Variants in NRG1 observed in about 807,000 individuals in gnomAD.
NRG1 encodes the protein pro-neuregulin-1, membrane-bound isoform.
Under a neutral mutation model 63.8 loss-of-function variants are expected in NRG1, and 18 were observed. The ratio of observed to expected loss-of-function variants is 0.28; its 90% CI spans 0.19 to 0.42. The LOEUF (loss-of-function observed/expected upper bound fraction) is 0.42, where lower values mean the gene tolerates loss of function less well. NRG1 is among the 10% of genes least tolerant of loss of function. The pLI, the probability that NRG1 is intolerant of heterozygous loss-of-function variation, is 1.00. For missense variants in NRG1, 762 were observed against 814.7 expected, an observed-to-expected ratio of 0.94 and a Z score of 0.79; for synonymous variants, 302 against 301.3, an observed-to-expected ratio of 1.00 and a Z score of -0.02.
At chr8:32,262,615 T>A (rs1850505267) in intron 1 of NRG1, among the ~76,000 whole-genome samples, 1 of 152,200 alleles carries the variant, frequency 6.6e-6, no homozygotes, top group Non-Finnish European at 1.5e-5. Context: ...TATATGCCCT[T>A]GATTGTAAAA....
chr8:32,138,915 C>T (rs1001047677), intron 1 of NRG1, among the ~76,000 whole-genome samples: 6 of 152,060 alleles, frequency 3.9e-5, no homozygotes, highest in Non-Finnish European at 8.8e-5. Flanking sequence ...CTAATTTTGG[C>T]TTTTTGATTT....
rs192463244 is a variant in NRG1, at chr8:31,973,340, G to T, written c.37+333909G>T. On this transcript the variant is annotated intron_variant, in intron 1 of 10. Transcript: ENST00000519301. The stretch of plus-strand genomic sequence containing the variant: ...TTGTAGATATCACTCTAGATGAAAA[G>T]GTTCTAACTATTTTTAGATCTAATT... Among the ~76,000 whole-genome samples the T allele has an allele frequency of 5.5e-3, 840 of 152,182 alleles. 3 individuals carry two copies. The highest frequency in any genetic ancestry group is 8.4e-3 in the Non-Finnish European group (568 of 68,012).
chr8:32,287,318 T>A (rs1327210614), intron 1 of NRG1: 1 of 152,210 alleles, frequency 6.6e-6, no homozygotes, highest in Non-Finnish European at 1.5e-5. Flanking sequence ...GGGAAATGGA[T>A]TCCACACCTT....
chr8:32,197,023 G>A (rs1405780485), intron 1 of NRG1, among the ~76,000 whole-genome samples: 5 of 135,670 alleles, frequency 3.7e-5, no homozygotes, highest in Admixed American at 1.6e-4. Flanking sequence ...GCAGTGGCGC[G>A]ATCTTGGCTC....
intron 1 of NRG1, among the ~76,000 whole-genome samples, chr8:32,499,402 G>A (rs1376428569): frequency 1.3e-5 from 2 of 152,192 alleles, no homozygotes; most frequent in Admixed American, 1.3e-4. Flanking sequence ...TGGATTCAAG[G>A]CTGGGTGCGG....
At chr8:32,295,425 A>T (rs540857160) in intron 1 of NRG1, among the ~76,000 whole-genome samples, 2 of 152,152 alleles carry the variant, frequency 1.3e-5, no homozygotes, top group Admixed American at 6.5e-5. Context: ...CTTTACAATA[A>T]TCTCTACTAC....
intron 1 of NRG1, among the ~76,000 whole-genome samples, chr8:32,284,609 C>T (rs532401948): frequency 4.6e-5 from 7 of 152,000 alleles, no homozygotes; most frequent in South Asian, 2.1e-4. Context: ...AGGCTCACAG[C>T]AGCCTCGGCC....
intron 1 of NRG1, among the ~76,000 whole-genome samples, chr8:32,335,505 C>T (rs759562962): frequency 6.6e-6 from 1 of 152,106 alleles, no homozygotes; most frequent in East Asian, 1.9e-4. Flanking sequence ...TAGAGTTGCT[C>T]ATATTTTATT....
chr8:32,091,848 G>T (rs1829206861), intron 1 of NRG1, among the ~76,000 whole-genome samples: 1 of 152,104 alleles, frequency 6.6e-6, no homozygotes, highest in South Asian at 2.1e-4. Context: ...GAAAGCTAAG[G>T]TGAAATTCTG....
In NRG1 at chr8:32,584,042, T is replaced by C. The variant is rs573761429; in HGVS notation, c.101-11786T>C. On this transcript the variant is annotated intron_variant, in intron 1 of 11. Transcript: ENST00000356819. ...GATTCTTTAAGGAATTTATGCTTTT[T>C]GTAAAATAGGGGAGACTATTTGGAC... Among the ~76,000 whole-genome samples, 5 of 147,490 alleles carry C rather than the reference T, an allele frequency of 3.4e-5. No individual in the cohort carries two copies. In the South Asian group the frequency reaches 8.9e-4, roughly 26 times the overall value.
chr8:31,914,292 AC>A (rs1246413087), intron 1 of NRG1, among the ~76,000 whole-genome samples: 1 of 81,576 alleles, frequency 1.2e-5, no homozygotes, highest in East Asian at 1.0e-3. Context: ...TTGTTATGTC[AC>A]CCTTTTTTTT....
exon 12 of NRG1, chr8:32,764,539 A>G (rs1831268234): frequency 1.3e-6 from 1 of 799,080 alleles, no homozygotes; most frequent in African/African-American, 1.7e-5. Context: ...TAAATTAAAT[A>G]TATGTATGTA....
intron 1 of NRG1, among the ~76,000 whole-genome samples, chr8:31,876,968 C>T (rs1394337072): frequency 1.3e-5 from 2 of 152,028 alleles, no homozygotes; most frequent in East Asian, 1.9e-4. Context: ...TACATATTTA[C>T]CCTGTTTTAA....
intron 3 of NRG1, 41 bp from the exon 4 acceptor site, chr8:32,614,473 C>T (rs752741160): frequency 1.9e-6 from 3 of 1,601,676 alleles, no homozygotes; most frequent in Non-Finnish European, 2.6e-6. Context: ...TCCCGGCCTC[C>T]TGTTTATATA....
chr8:32,049,202 G>A (rs973919485), intron 1 of NRG1, among the ~76,000 whole-genome samples: 1 of 152,176 alleles, frequency 6.6e-6, no homozygotes, highest in African/African-American at 2.4e-5. Flanking sequence ...GAAACCCTGA[G>A]AAATGGATTA....
intron 1 of NRG1, among the ~76,000 whole-genome samples, chr8:31,660,113 C>T (rs149905675): frequency 3.3e-5 from 5 of 152,176 alleles, no homozygotes; most frequent in East Asian, 3.9e-4. Flanking sequence ...AGAAATGAAA[C>T]GCAACGTATG....
intron 1 of NRG1, among the ~76,000 whole-genome samples, chr8:31,664,406 G>A (rs1806314956): frequency 6.6e-6 from 1 of 152,204 alleles, no homozygotes; most frequent in Non-Finnish European, 1.5e-5. Context: ...ATGAGTGAGA[G>A]AAGGTGTTGA....
intron 1 of NRG1, among the ~76,000 whole-genome samples, chr8:31,917,877 T>G (rs1297540642): frequency 1.3e-5 from 2 of 152,184 alleles, no homozygotes; most frequent in Non-Finnish European, 2.9e-5. Context: ...CCTCTTTAAT[T>G]TCATTGAGCA....
In NRG1 at chr8:32,268,871, A is replaced by G. The variant is rs79565908; in HGVS notation, c.38-326957A>G. On this transcript the variant is annotated intron_variant, in intron 1 of 10. Coordinates refer to the NRG1 transcript ENST00000519301. ...GGGAAGCACGAAGGACGGGTAAATC[A>G]GAGTCCCATCCCTTGAAGCATGGTG... Among the ~76,000 whole-genome samples, 116 of 152,308 alleles carry G rather than the reference A, an allele frequency of 7.6e-4. 1 individual carries two copies. In the East Asian group the frequency reaches 0.02, roughly 26 times the overall value.
Sources: gnomAD v4.1 joint callset for allele counts (sites outside exome capture counted in the v4.1 genomes callset) on GRCh38, gnomAD v4.1.1 for gene constraint, MANE v1.5 for transcripts, NCBI Gene and HGNC (gene_info 2026-07-23, HGNC 2026-07-21) for gene names.